MAP2K5: variants seen among roughly 807,000 people sequenced by gnomAD.
The protein encoded by MAP2K5 is dual specificity mitogen-activated protein kinase kinase 5.
MAP2K5 carries 49 observed loss-of-function variants against 83.1 expected under a neutral mutation model. The observed-to-expected ratio is 0.59, with a 90% CI of 0.47 to 0.75. MAP2K5 has a LOEUF of 0.75. Ranked by LOEUF, MAP2K5 falls within the 30% of genes least tolerant of loss-of-function variation. MAP2K5 has a pLI of 0.00. For missense variants in MAP2K5, 457 were observed against 557.5 expected, an observed-to-expected ratio of 0.82 and a Z score of 1.82; for synonymous variants, 202 against 191.8, an observed-to-expected ratio of 1.05 and a Z score of -0.44.
chr15:67,806,802 C>T lies in MAP2K5; in HGVS notation c.*52C>T. 2.5e-6 allele frequency: 4 copies of T among 1,596,738 alleles called. No homozygotes were observed. The highest frequency in any genetic ancestry group is 3.4e-6 in the Non-Finnish European group (4 of 1,178,402). On this transcript the variant is annotated 3_prime_UTR_variant, in exon 22 of 22. Coordinates refer to ENST00000178640, the MANE Select transcript of MAP2K5 (RefSeq NM_145160.3). ...GGACCAGTAACCAAGGAGAACAACC[C>T]ACCCGTCGCCCTTCTCCGTATGCTG...
intron 11 of MAP2K5, among the ~76,000 whole-genome samples, chr15:67,658,275 C>T (rs564971228): frequency 2.0e-5 from 3 of 152,216 alleles, no homozygotes; most frequent in South Asian, 2.1e-4. Context: ...TTTAAGTTTA[C>T]ATAAAGTATA....
At position 67,708,293 on chromosome 15, in the gene MAP2K5, A is replaced by G. The variant is rs2088607899; in HGVS notation, c.1044+4885A>G. Among the ~76,000 whole-genome samples, 1 of 151,996 alleles carries G rather than the reference A, an allele frequency of 6.6e-6. No homozygotes were observed. Among genetic ancestry groups the G allele is most frequent in the African/African-American group, 2.4e-5 (1 of 41,386 alleles). On this transcript the variant is annotated intron_variant, in intron 16 of 21. Coordinates refer to ENST00000178640, the MANE Select transcript of MAP2K5 (RefSeq NM_145160.3). The surrounding 1 kb of genome is among the most constrained non-coding windows in gnomAD (Gnocchi z 4.9). ...AGCTATGATTGCACCACCACACTCCAGCCTAGTCAACAGAGCAAGATGCTG... is the reference window on the plus strand; with the variant it reads ...AGCTATGATTGCACCACCACACTCCGGCCTAGTCAACAGAGCAAGATGCTG...
intron 13 of MAP2K5, among the ~76,000 whole-genome samples, chr15:67,673,964 C>T (rs2087613427): frequency 1.3e-5 from 2 of 151,986 alleles, no homozygotes; most frequent in South Asian, 4.2e-4. Context: ...TTCTCCTGCC[C>T]CAGCCTTCCA....
At chr15:67,679,702 A>T (rs1355405691) in intron 13 of MAP2K5, 2 of 152,222 alleles carry the variant, frequency 1.3e-5, no homozygotes, top group East Asian at 3.8e-4. Flanking sequence ...ATAGGGTAAG[A>T]GAGTGACCAC....
At chr15:67,578,700 A>G (rs893324785) in intron 3 of MAP2K5, among the ~76,000 whole-genome samples, 3 of 152,118 alleles carry the variant, frequency 2.0e-5, no homozygotes, top group Non-Finnish European at 2.9e-5. Context: ...ATAAAAGTGT[A>G]TATAGTTTGC....
intron 2 of MAP2K5, among the ~76,000 whole-genome samples, chr15:67,554,050 C>A (rs1472701731): frequency 6.6e-6 from 1 of 150,638 alleles, no homozygotes; most frequent in South Asian, 2.1e-4. Context: ...AAAAGAAATA[C>A]TTATAGTAAT....
intron 1 of MAP2K5, among the ~76,000 whole-genome samples, chr15:67,545,008 C>A (rs1052267283): frequency 1.3e-5 from 2 of 152,204 alleles, no homozygotes; most frequent in South Asian, 2.1e-4. Flanking sequence ...GGATTGGCCC[C>A]TGTCTGCCTG....
chr15:67,680,203 A>G (rs1254464142), intron 13 of MAP2K5, among the ~76,000 whole-genome samples: 4 of 152,100 alleles, frequency 2.6e-5, no homozygotes, highest in Non-Finnish European at 5.9e-5. Context: ...GATATATCAC[A>G]TTTTGTCTGC....
At chr15:67,806,176 G>T (rs900419517) in intron 21 of MAP2K5, among the ~76,000 whole-genome samples, 2 of 152,200 alleles carry the variant, frequency 1.3e-5, no homozygotes, top group Non-Finnish European at 2.9e-5. Flanking sequence ...TTTTATAGGA[G>T]AGCTGTAGAC....
Position 67,587,962 on chromosome 15 carries a change from G to A in MAP2K5, c.431+1049G>A, listed in dbSNP as rs555345140. 1.6e-5 allele frequency: 4 copies of A among 242,810 alleles called. No homozygotes were observed. In the South Asian group the frequency reaches 4.5e-4, roughly 27 times the overall value. 15.0% of individuals were successfully genotyped at this position (242,810 alleles called of 1,614,324 possible). A position where few individuals can be genotyped will look rare whatever the true frequency, so the allele number is the denominator to read the frequency against. ...GGTGGTTCCAGCTCTCCAGATCACT[G>A]CCACAGCCTCCTGAGAGTCTACTCC... On this transcript the variant is annotated intron_variant, in intron 6 of 21. Transcript: ENST00000178640. The surrounding 1 kb of genome is among the most constrained non-coding windows in gnomAD (Gnocchi z 4.8).
intron 16 of MAP2K5, among the ~76,000 whole-genome samples, chr15:67,721,539 TATGAGGTCTTTGCAG>T (rs2088960390): frequency 6.6e-6 from 1 of 152,206 alleles, no homozygotes; most frequent in South Asian, 2.1e-4. Context: ...ACTAGAAGTC[TATGAGGTCTTTGCAG>T]ACAGGGTCCT....
chr15:67,796,718 G>T (rs2090611450), intron 21 of MAP2K5, among the ~76,000 whole-genome samples: 1 of 152,094 alleles, frequency 6.6e-6, no homozygotes, highest in Admixed American at 6.5e-5. Flanking sequence ...TCTGTTTCTG[G>T]CCTCTAATTG....
At chr15:67,556,275 C>CT (rs1336061787) in intron 2 of MAP2K5, among the ~76,000 whole-genome samples, 1 of 152,032 alleles carries the variant, frequency 6.6e-6, no homozygotes, top group African/African-American at 2.4e-5. Flanking sequence ...ATTCTCTCTT[C>CT]TTTTTTCCGT....
rs1328824067 is a variant in MAP2K5 at position 67,738,220 on chromosome 15, T to C, written c.1075-10011T>C. On this transcript the variant is annotated intron_variant, in intron 17 of 21. Transcript: ENST00000178640. The surrounding 1 kb of genome is among the most constrained non-coding windows in gnomAD (Gnocchi z 4.1). ...AGAGGAGGAGAGACCAAAGGGGTAA[T>C]GAAGCTTGTCTTGTTTTGTTTTCTG... 6.6e-6 allele frequency among the ~76,000 whole-genome samples: 1 copy of C among 152,200 alleles called. No individual in the cohort carries two copies. Among genetic ancestry groups the C allele is most frequent in the African/African-American group, 2.4e-5 (1 of 41,438 alleles).
chr15:67,655,064 CAAA>C (rs35723223), intron 11 of MAP2K5, among the ~76,000 whole-genome samples: 2 of 120,648 alleles, frequency 1.7e-5, no homozygotes, highest in Admixed American at 8.7e-5. Context: ...GACTCCATCT[CAAA>C]AAAAAAAAAA....
intron 13 of MAP2K5, among the ~76,000 whole-genome samples, chr15:67,691,936 A>G (rs1299830370): frequency 6.6e-6 from 1 of 152,222 alleles, no homozygotes; most frequent in East Asian, 1.9e-4. Context: ...CTGAAGTAGC[A>G]TTTGCCTTGT....
At chr15:67,650,429 A>G (rs918903411) in intron 11 of MAP2K5, among the ~76,000 whole-genome samples, 5 of 151,848 alleles carry the variant, frequency 3.3e-5, no homozygotes, top group African/African-American at 1.2e-4. Context: ...TCAGTCTTTC[A>G]CCATTAAATA....
rs1421446305 is a variant in MAP2K5, at chr15:67,569,032, AC to A, written c.252+5683del. Among the ~76,000 whole-genome samples the A allele has an allele frequency of 4.4e-4, 66 of 151,210 alleles. 2 individuals carry two copies. The highest frequency in any genetic ancestry group is 1.5e-3 in the African/African-American group (61 of 40,892). On this transcript the variant is annotated intron_variant, in intron 3 of 21. Transcript: ENST00000178640. ...AAAAAAAAAAAAACAAAAAAAAAAAACAAAACTCTGTGGGCGTCTGAAGGTT... is the reference window on the plus strand; with the variant it reads ...AAAAAAAAAAAAACAAAAAAAAAAAAAAAACTCTGTGGGCGTCTGAAGGTT...
At chr15:67,601,951 G>A (rs1293270734) in intron 8 of MAP2K5, among the ~76,000 whole-genome samples, 1 of 152,156 alleles carries the variant, frequency 6.6e-6, no homozygotes, top group Admixed American at 6.5e-5. Context: ...GTTTTTTCCT[G>A]CAGATGACTG....
Sources: allele counts gnomAD v4.1 joint callset (sites outside exome capture counted in the v4.1 genomes callset), GRCh38; gene constraint gnomAD v4.1.1; non-coding constraint Gnocchi (gnomAD v3.1); transcripts MANE v1.5; gene names NCBI Gene and HGNC (gene_info 2026-07-23, HGNC 2026-07-21).